The following CTNNA3 variants were observed in gnomAD, a reference collection of about 807,000 sequenced individuals.
The protein encoded by CTNNA3 is catenin alpha-3.
Under a neutral mutation model 95.7 loss-of-function variants are expected in CTNNA3, and 76 were observed. That is an observed-to-expected ratio of 0.79 (90% CI 0.66 to 0.96). The LOEUF (loss-of-function observed/expected upper bound fraction) is 0.96. CTNNA3 is among the 40% of genes least tolerant of loss of function. The probability of loss-of-function intolerance (pLI) is 0.00; values close to 1 mark genes in which losing one functional copy is unlikely to be tolerated. For missense variants in CTNNA3, 1,191 were observed against 1,089.8 expected (o/e 1.09, Z -1.31); for synonymous variants, 431 against 374.4 (o/e 1.15, Z -1.74).
intron 1 of CTNNA3, among the ~76,000 whole-genome samples, chr10:67,745,840 C>T (rs1841372430): frequency 6.6e-6 from 1 of 151,748 alleles, no homozygotes; most frequent in Admixed American, 6.6e-5. Context: ...ACAAAGAATA[C>T]AAAATACCTA....
At chr10:66,696,148 C>T (rs528862414) in intron 9 of CTNNA3, among the ~76,000 whole-genome samples, 1 of 152,110 alleles carries the variant, frequency 6.6e-6, no homozygotes, top group Non-Finnish European at 1.5e-5. Context: ...ATATAAATCA[C>T]ACTTTTAGCA....
intron 1 of CTNNA3, among the ~76,000 whole-genome samples, chr10:67,650,021 T>C (rs1287464197): frequency 6.6e-6 from 1 of 152,166 alleles, no homozygotes; most frequent in Non-Finnish European, 1.5e-5. Context: ...GTATGTTTAG[T>C]AGAGACAGGG....
At chr10:66,622,494 C>T (rs1280166471) in intron 9 of CTNNA3, among the ~76,000 whole-genome samples, 1 of 152,096 alleles carries the variant, frequency 6.6e-6, no homozygotes. Context: ...TTTCTTCAGA[C>T]CATGAAAGAG....
intron 7 of CTNNA3, among the ~76,000 whole-genome samples, chr10:67,105,017 T>C (rs1284292238): frequency 1.3e-5 from 2 of 151,992 alleles, no homozygotes; most frequent in Admixed American, 1.3e-4. Flanking sequence ...GGGTTGAAGA[T>C]GTGGTAAAAA....
intron 7 of CTNNA3, among the ~76,000 whole-genome samples, chr10:66,929,279 A>G (rs1017815439): frequency 1.3e-5 from 2 of 152,140 alleles, no homozygotes. Context: ...TCTCCACCAC[A>G]CCTCACATTA....
At chr10:67,069,217 A>C (rs1301444696) in intron 7 of CTNNA3, among the ~76,000 whole-genome samples, 1 of 152,094 alleles carries the variant, frequency 6.6e-6, no homozygotes, top group Non-Finnish European at 1.5e-5. Flanking sequence ...AAATATGCAG[A>C]TGAATGATCA....
intron 11 of CTNNA3, among the ~76,000 whole-genome samples, chr10:66,472,600 A>G (rs1243786483): frequency 1.3e-5 from 2 of 152,012 alleles, no homozygotes; most frequent in Non-Finnish European, 2.9e-5. Context: ...AAAGTTCTCT[A>G]CAATAACAAA....
intron 3 of CTNNA3, among the ~76,000 whole-genome samples, chr10:67,593,969 G>A (rs887463265): frequency 1.3e-5 from 2 of 152,120 alleles, no homozygotes; most frequent in Non-Finnish European, 2.9e-5. Flanking sequence ...TAAACTGAAA[G>A]GATGTTGAAT....
rs150519186 is a variant in CTNNA3 at position 67,135,402 on chromosome 10, C to A, written c.1047+44915G>T. Among the ~76,000 whole-genome samples the A allele has an allele frequency of 6.3e-3, 956 of 152,240 alleles. 10 individuals are homozygous for A. Among genetic ancestry groups the A allele is most frequent in the African/African-American group, 0.022 (913 of 41,554 alleles). On this transcript the variant is annotated intron_variant, in intron 7 of 17. Transcript: ENST00000433211. ...CAACAATGGACATACAGGTAAGTCACAATGGCTCATGCCTGCAATCCCAGT... is the reference window on the plus strand; with the variant it reads ...CAACAATGGACATACAGGTAAGTCAAAATGGCTCATGCCTGCAATCCCAGT...
At position 66,959,279 on chromosome 10, in the gene CTNNA3, C is replaced by T. The variant is rs149353469; in HGVS notation, c.1048-183755G>A. ...CCCAAATCTTCAGTGATAATGGTAG[C>T]ATTCTCAGGGAATGCCTGGATTGAT... On this transcript the variant is annotated intron_variant, in intron 7 of 17. Coordinates refer to ENST00000433211, the MANE Select transcript of CTNNA3 (RefSeq NM_013266.4). Among the ~76,000 whole-genome samples the T allele has an allele frequency of 3.7e-3, 562 of 152,284 alleles. 4 individuals are homozygous for T. The highest frequency in any genetic ancestry group is 0.013 in the African/African-American group (537 of 41,554).
At chr10:66,324,891 T>C (rs2092235271) in intron 12 of CTNNA3, among the ~76,000 whole-genome samples, 1 of 122,658 alleles carries the variant, frequency 8.2e-6, no homozygotes, top group Non-Finnish European at 1.8e-5. Context: ...TTACAACTTC[T>C]GAGACATCAT....
At chr10:66,630,582 TA>T (rs2132342703) in intron 9 of CTNNA3, among the ~76,000 whole-genome samples, 1 of 152,286 alleles carries the variant, frequency 6.6e-6, no homozygotes, top group East Asian at 1.9e-4. Flanking sequence ...AGAGGCACAG[TA>T]ACTTCCATAG....
chr10:67,614,938 C>T (rs1206875316), intron 2 of CTNNA3, among the ~76,000 whole-genome samples: 1 of 152,162 alleles, frequency 6.6e-6, no homozygotes, highest in African/African-American at 2.4e-5. Flanking sequence ...CCTGTACATC[C>T]TAATCTCTTC....
intron 15 of CTNNA3, among the ~76,000 whole-genome samples, chr10:66,004,979 G>C (rs2078851238): frequency 2.0e-5 from 3 of 152,194 alleles, no homozygotes; most frequent in African/African-American, 7.2e-5. Context: ...AGGCTAAAGG[G>C]AAGGTGTCAG....
At chr10:66,846,009 A>G (rs1242616232) in intron 7 of CTNNA3, among the ~76,000 whole-genome samples, 1 of 150,962 alleles carries the variant, frequency 6.6e-6, no homozygotes, top group Non-Finnish European at 1.5e-5. Flanking sequence ...GCATGTGCCT[A>G]TAGTCCCAGC....
intron 7 of CTNNA3, among the ~76,000 whole-genome samples, chr10:67,027,807 G>A (rs891596612): frequency 6.6e-6 from 1 of 152,068 alleles, no homozygotes; most frequent in African/African-American, 2.4e-5. Flanking sequence ...TACCTACAAA[G>A]AGTATATTCG....
intron 5 of CTNNA3, among the ~76,000 whole-genome samples, chr10:67,300,757 AT>A (rs1156274273): frequency 1.3e-5 from 2 of 152,154 alleles, no homozygotes; most frequent in Admixed American, 6.6e-5. Context: ...CTCCCCATGT[AT>A]GCCAATACAG....
At chr10:67,403,013 A>C (rs1232319033) in intron 5 of CTNNA3, among the ~76,000 whole-genome samples, 1 of 152,190 alleles carries the variant, frequency 6.6e-6, no homozygotes, top group Non-Finnish European at 1.5e-5. Context: ...AGCCACCAGC[A>C]ACAGGGTAGT....
At chr10:66,431,211 A>C (rs1356219343) in intron 11 of CTNNA3, among the ~76,000 whole-genome samples, 1 of 152,198 alleles carries the variant, frequency 6.6e-6, no homozygotes, top group Non-Finnish European at 1.5e-5. Context: ...GTCTCACACC[A>C]GTTAGAATGG....
Sources: gnomAD v4.1 joint callset for allele counts (sites outside exome capture counted in the v4.1 genomes callset) on GRCh38, gnomAD v4.1.1 for gene constraint, MANE v1.5 for transcripts, NCBI Gene and HGNC (gene_info 2026-07-23, HGNC 2026-07-21) for gene names.